The following MAML2 variants were observed in gnomAD, a reference collection of about 807,000 sequenced individuals.
The protein encoded by MAML2 is mastermind like transcriptional coactivator 2.
MAML2 carries 22 observed loss-of-function variants against 96.1 expected under a neutral mutation model. That is an observed-to-expected ratio of 0.23 (90% CI 0.16 to 0.33). MAML2 has a LOEUF of 0.33. MAML2 is among the 10% of genes least tolerant of loss of function. MAML2 has a pLI of 1.00. For missense variants in MAML2, 1,367 were observed against 1,392.4 expected (o/e 0.98, Z 0.29); for synonymous variants, 561 against 521.3 (o/e 1.08, Z -1.04).
intron 2 of MAML2, among the ~76,000 whole-genome samples, chr11:96,018,486 A>C (rs1012725316): frequency 3.3e-5 from 5 of 152,226 alleles, no homozygotes; most frequent in Non-Finnish European, 5.9e-5. Flanking sequence ...TGGACACCCC[A>C]TCGTTTGGAA....
At chr11:96,309,686 C>G (rs1290796553) in intron 1 of MAML2, among the ~76,000 whole-genome samples, 2 of 143,784 alleles carry the variant, frequency 1.4e-5, no homozygotes, top group Non-Finnish European at 3.0e-5. Context: ...TTCCACCTCC[C>G]AAAGGAACAA....
chr11:96,308,812 C>G (rs1052208406), intron 1 of MAML2, among the ~76,000 whole-genome samples: 6 of 152,164 alleles, frequency 3.9e-5, no homozygotes, highest in Non-Finnish European at 8.8e-5. Context: ...GACCTTGAAG[C>G]TGGGGACCAT....
intron 2 of MAML2, among the ~76,000 whole-genome samples, chr11:96,051,796 C>G (rs532919681): frequency 1.3e-5 from 2 of 152,324 alleles, no homozygotes; most frequent in East Asian, 3.9e-4. Flanking sequence ...AAAGGGCAAA[C>G]TTTACCTGGA....
At chr11:95,984,614 C>T (rs1243879873) in intron 4 of MAML2, among the ~76,000 whole-genome samples, 2 of 152,196 alleles carry the variant, frequency 1.3e-5, no homozygotes, top group Admixed American at 6.5e-5. Context: ...TTGAAAGAGG[C>T]AACCTGTTGT....
Position 96,220,035 on chromosome 11 carries a change from T to C in MAML2, c.513+121348A>G, listed in dbSNP as rs533613880. ...TCTTGGGAAACACAAAGACACTAAATGGTGGCATGTTGTTATCATTGCCAT... is the reference window on the plus strand; with the variant it reads ...TCTTGGGAAACACAAAGACACTAAACGGTGGCATGTTGTTATCATTGCCAT... On this transcript the variant is annotated intron_variant, in intron 1 of 4. Transcript: ENST00000524717. Among the ~76,000 whole-genome samples, 111 of 152,330 alleles carry C rather than the reference T, an allele frequency of 7.3e-4. No individual in the cohort carries two copies. The Middle Eastern group carries it at 0.017, about 23-fold the overall frequency.
Position 96,341,987 on chromosome 11 carries a change from G to T in MAML2, c.-92C>A. Reference sequence around the variant, plus strand: ...CAGGCAAGTCTGTTTTTGACAATGTGAGCTCAGTGTTCAGGGCCACATGAA... The same window carrying T: ...CAGGCAAGTCTGTTTTTGACAATGTTAGCTCAGTGTTCAGGGCCACATGAA... On this transcript the variant is annotated 5_prime_UTR_variant, in exon 1 of 5. Transcript: ENST00000524717. The T allele has an allele frequency of 1.5e-6, 2 of 1,302,882 alleles. No individual in the cohort carries two copies. Among genetic ancestry groups the T allele is most frequent in the South Asian group, 3.1e-5 (2 of 65,224 alleles). 80.7% of individuals were successfully genotyped at this position (1,302,882 alleles called of 1,614,324 possible).
At chr11:96,232,618 C>T (rs372434555) in intron 1 of MAML2, among the ~76,000 whole-genome samples, 4 of 152,224 alleles carry the variant, frequency 2.6e-5, no homozygotes, top group African/African-American at 9.6e-5. Context: ...TACAGGCGCC[C>T]GCCACCACGC....
chr11:96,185,548 C>T (rs1397918890), intron 1 of MAML2, among the ~76,000 whole-genome samples: 1 of 152,176 alleles, frequency 6.6e-6, no homozygotes, highest in East Asian at 1.9e-4. Flanking sequence ...CCAGCCTTGT[C>T]CACACACATT....
intron 2 of MAML2, among the ~76,000 whole-genome samples, chr11:96,082,748 G>T (rs568586925): frequency 1.3e-5 from 2 of 152,296 alleles, no homozygotes; most frequent in Admixed American, 6.5e-5. Context: ...GGAGGGACAA[G>T]GTAGCTGGAA....
rs747532912 is a variant in MAML2 at position 95,991,594 on chromosome 11, T to C, written c.2269A>G (p.Lys757Glu). 20 of 1,613,684 alleles carry C rather than the reference T, an allele frequency of 1.2e-5. No homozygotes were observed. In the East Asian group the frequency reaches 4.2e-4, roughly 34 times the overall value. Residue 757 changes from lysine to glutamate, a missense_variant, in exon 3 of 5, where the codon AAG (lysine) becomes GAG (glutamate). Transcript: ENST00000524717. ...ATGATCTGCCTCTGTAGAGTCTGCT[T>C]CTTTCCCATCAATTGCTGATTCAAC... is the stretch of plus-strand genomic sequence containing the variant. ...SLLNQQLMGK[K>E]QTLQRQIMEQ...
intron 1 of MAML2, among the ~76,000 whole-genome samples, chr11:96,279,165 T>C (rs1863029907): frequency 6.6e-6 from 1 of 152,186 alleles, no homozygotes; most frequent in Non-Finnish European, 1.5e-5. Flanking sequence ...TGAAACTGAA[T>C]GATGTGTCAT....
At chr11:96,334,788 C>G (rs1319664286) in intron 1 of MAML2, among the ~76,000 whole-genome samples, 1 of 152,218 alleles carries the variant, frequency 6.6e-6, no homozygotes, top group Non-Finnish European at 1.5e-5. Context: ...TTTGCTAAAA[C>G]ATTAAGACCT....
At chr11:95,996,661 T>A (rs1212379125) in intron 2 of MAML2, among the ~76,000 whole-genome samples, 1 of 152,210 alleles carries the variant, frequency 6.6e-6, no homozygotes, top group African/African-American at 2.4e-5. Flanking sequence ...AATATTTCAC[T>A]GCTCTTGCAT....
chr11:96,115,327 C>T (rs1860215749), intron 1 of MAML2, among the ~76,000 whole-genome samples: 1 of 151,802 alleles, frequency 6.6e-6, no homozygotes, highest in African/African-American at 2.4e-5. Context: ...TCATGCTTGG[C>T]TATGTATTTA....
intron 1 of MAML2, among the ~76,000 whole-genome samples, chr11:96,212,152 G>GTGT (rs1555025032): frequency 5.9e-5 from 6 of 101,860 alleles, no homozygotes; most frequent in East Asian, 2.9e-4. Context: ...TGTGTGTGTG[G>GTGT]AAGGGGGACT....
At chr11:96,052,647 C>G (rs1285422564) in intron 2 of MAML2, among the ~76,000 whole-genome samples, 3 of 152,156 alleles carry the variant, frequency 2.0e-5, no homozygotes, top group South Asian at 2.1e-4. Flanking sequence ...CACATTGATG[C>G]CCTGTGTCAA....
chr11:95,990,478 T>A (rs943014204), intron 3 of MAML2, among the ~76,000 whole-genome samples: 1 of 152,188 alleles, frequency 6.6e-6, no homozygotes, highest in African/African-American at 2.4e-5. Context: ...CTTACTCCAC[T>A]TTCAGATATT....
At chr11:96,158,592 C>T (rs1042285079) in intron 1 of MAML2, among the ~76,000 whole-genome samples, 2 of 152,150 alleles carry the variant, frequency 1.3e-5, no homozygotes, top group Non-Finnish European at 2.9e-5. Flanking sequence ...ACTGACAAGT[C>T]CTAATTTATA....
At chr11:96,095,799 T>C (rs1243655249) in intron 1 of MAML2, among the ~76,000 whole-genome samples, 1 of 152,250 alleles carries the variant, frequency 6.6e-6, no homozygotes, top group Non-Finnish European at 1.5e-5. Context: ...CCAAGTTGCC[T>C]GAGACTTCAC....
Sources: allele counts gnomAD v4.1 joint callset (sites outside exome capture counted in the v4.1 genomes callset), GRCh38; gene constraint gnomAD v4.1.1; transcripts MANE v1.5; gene names NCBI Gene and HGNC (gene_info 2026-07-23, HGNC 2026-07-21).